Variants in ADAMTSL3 observed in about 807,000 individuals in gnomAD.
ADAMTSL3 encodes ADAMTS like 3.
ADAMTSL3 carries 128 observed loss-of-function variants against 201.7 expected under a neutral mutation model. The observed-to-expected ratio is 0.63, with a 90% CI of 0.55 to 0.73. The LOEUF is 0.73. ADAMTSL3 is among the 30% of genes least tolerant of loss of function. ADAMTSL3 has a pLI of 0.00. For synonymous variants in ADAMTSL3, 738 were observed against 748.4 expected, an observed-to-expected ratio of 0.99 and a Z score of 0.23; for missense variants, 1,990 against 2,119.6, an observed-to-expected ratio of 0.94 and a Z score of 1.20.
chr15:83,737,606 AAGTTGCCC>A (rs1312910550), intron 3 of ADAMTSL3, among the ~76,000 whole-genome samples: 1 of 152,174 alleles, frequency 6.6e-6, no homozygotes, highest in Non-Finnish European at 1.5e-5. Context: ...TTTTCTTTAT[AAGTTGCCC>A]AGTCTCGGGC....
chr15:83,890,395 G>C, intron 11 of ADAMTSL3, 148 bp downstream of exon 11: 1 of 1,015,264 alleles, frequency 9.8e-7, no homozygotes, highest in South Asian at 1.7e-5. Context: ...TGTAACTATG[G>C]TGCATAGGAA....
chr15:83,707,527 GT>G (rs1288495688), intron 3 of ADAMTSL3, among the ~76,000 whole-genome samples: 1 of 152,142 alleles, frequency 6.6e-6, no homozygotes, highest in Admixed American at 6.5e-5. Context: ...TTTTACACCT[GT>G]GTAGTTGCTA....
chr15:83,982,891 C>T lies in ADAMTSL3; in HGVS notation c.3263C>T (p.Ala1088Val). 6.2e-7 allele frequency: 1 copy of T among 1,613,960 alleles called. No individual in the cohort carries two copies. The highest frequency in any genetic ancestry group is 8.5e-7 in the Non-Finnish European group (1 of 1,180,036). ...TTTGAAGCAGCAGTTAAACAAGGAG[C>T]ATATAGCATGGATACAGCCCAGTTT... ...KQFEAAVKQG[A>V]YSMDTAQFDE... The change falls in exon 21 of 30, where the codon GCA becomes GTA. Residue 1088 changes from alanine (A) to valine (V), a missense_variant. Transcript: ENST00000286744.
intron 3 of ADAMTSL3, among the ~76,000 whole-genome samples, chr15:83,720,835 T>C (rs1441782193): frequency 6.6e-6 from 1 of 152,214 alleles, no homozygotes; most frequent in Non-Finnish European, 1.5e-5. Flanking sequence ...ATGTCCCCAA[T>C]TCAACTCATT....
intron 23 of ADAMTSL3, among the ~76,000 whole-genome samples, chr15:84,009,070 C>G (rs1393962598): frequency 6.6e-6 from 1 of 152,220 alleles, no homozygotes; most frequent in Non-Finnish European, 1.5e-5. Context: ...TGACAGGTTC[C>G]TCACTGGTCT....
chr15:83,799,991 C>A (rs1439206259), intron 4 of ADAMTSL3, among the ~76,000 whole-genome samples: 1 of 151,984 alleles, frequency 6.6e-6, no homozygotes, highest in African/African-American at 2.4e-5. Flanking sequence ...ATAAAGTAGT[C>A]TTTCATTTTC....
At chr15:83,693,314 G>C (rs1340350147) in intron 2 of ADAMTSL3, among the ~76,000 whole-genome samples, 2 of 152,318 alleles carry the variant, frequency 1.3e-5, no homozygotes, top group South Asian at 2.1e-4. Context: ...AGAACAGCCA[G>C]GGACAGCAGG....
chr15:83,897,156 A>G (rs1272231032), intron 13 of ADAMTSL3, among the ~76,000 whole-genome samples: 1 of 152,254 alleles, frequency 6.6e-6, no homozygotes, highest in East Asian at 1.9e-4. Flanking sequence ...CTAGATTTTT[A>G]TATGACATGA....
intron 7 of ADAMTSL3, among the ~76,000 whole-genome samples, chr15:83,855,125 A>G (rs2064704308): frequency 6.6e-6 from 1 of 152,092 alleles, no homozygotes. Context: ...TCTGGCCTTT[A>G]CTTCCTGCTT....
At chr15:84,019,565 A>G (rs1298601725) in intron 25 of ADAMTSL3, among the ~76,000 whole-genome samples, 1 of 152,196 alleles carries the variant, frequency 6.6e-6, no homozygotes, top group Non-Finnish European at 1.5e-5. Context: ...GCACAATGAT[A>G]TGAGTGAATC....
intron 5 of ADAMTSL3, among the ~76,000 whole-genome samples, chr15:83,805,861 CT>C (rs1450486271): frequency 6.6e-6 from 1 of 152,196 alleles, no homozygotes; most frequent in Non-Finnish European, 1.5e-5. Context: ...TCCATCTCCC[CT>C]GTAAGGTAAG....
intron 19 of ADAMTSL3, among the ~76,000 whole-genome samples, chr15:83,948,411 T>TACAC (rs72124987): frequency 0.039 from 5,660 of 145,602 alleles, 204 homozygotes; most frequent in African/African-American, 0.085. Context: ...AAAGCTTATT[T>TACAC]ACACACACAC....
At chr15:83,775,156 T>G (rs897597294) in intron 4 of ADAMTSL3, among the ~76,000 whole-genome samples, 4 of 152,216 alleles carry the variant, frequency 2.6e-5, no homozygotes, top group Non-Finnish European at 5.9e-5. Context: ...AGGGGGCTTC[T>G]TATGTCAAGG....
At chr15:83,714,595 G>A (rs961867420) in intron 3 of ADAMTSL3, among the ~76,000 whole-genome samples, 1 of 151,832 alleles carries the variant, frequency 6.6e-6, no homozygotes, top group South Asian at 2.1e-4. Flanking sequence ...ACTTACACGC[G>A]CAGGTGAGAT....
intron 5 of ADAMTSL3, among the ~76,000 whole-genome samples, chr15:83,805,570 T>C (rs11857202): frequency 4.4e-4 from 67 of 150,688 alleles, no homozygotes; most frequent in African/African-American, 1.6e-3. Context: ...AAAAAAAAAA[T>C]AAATAAATAA....
At chr15:83,739,279 G>C (rs1348540933) in intron 3 of ADAMTSL3, among the ~76,000 whole-genome samples, 3 of 151,574 alleles carry the variant, frequency 2.0e-5, no homozygotes, top group Non-Finnish European at 4.4e-5. Flanking sequence ...ATTAGTATTA[G>C]AAAAATAGAA....
chr15:83,996,150 C>A (rs752075238), intron 23 of ADAMTSL3, among the ~76,000 whole-genome samples: 1 of 152,032 alleles, frequency 6.6e-6, no homozygotes, highest in Non-Finnish European at 1.5e-5. Context: ...TAAGAGATGT[C>A]TTTATGACTT....
intron 13 of ADAMTSL3, among the ~76,000 whole-genome samples, chr15:83,897,383 T>A (rs942532378): frequency 1.3e-5 from 2 of 152,196 alleles, no homozygotes; most frequent in Non-Finnish European, 2.9e-5. Flanking sequence ...CCTCGTTATA[T>A]GGTAGCAGTT....
chr15:83,866,376 T>C (rs1212928429), intron 8 of ADAMTSL3, among the ~76,000 whole-genome samples: 2 of 152,196 alleles, frequency 1.3e-5, no homozygotes, highest in African/African-American at 2.4e-5. Context: ...GTAACAATGA[T>C]AGACTGGATT....
Sources: allele counts gnomAD v4.1 joint callset (sites outside exome capture counted in the v4.1 genomes callset), GRCh38; gene constraint gnomAD v4.1.1; transcripts MANE v1.5; gene names NCBI Gene and HGNC (gene_info 2026-07-23, HGNC 2026-07-21).